HSPA12A: variants seen among roughly 807,000 people sequenced by gnomAD.
The protein encoded by HSPA12A is heat shock protein family A (Hsp70) member 12A, also known as heat shock 70 kDa protein 12A.
In HSPA12A, 28 loss-of-function variants were observed where a neutral mutation model predicts 69.2. The ratio of observed to expected loss-of-function variants is 0.40; its 90% CI spans 0.30 to 0.55. The LOEUF is 0.55. Ranked by LOEUF, HSPA12A falls within the 20% of genes least tolerant of loss-of-function variation. The probability of loss-of-function intolerance (pLI) is 0.38; values close to 1 mark genes in which losing one functional copy is unlikely to be tolerated. For missense variants in HSPA12A, 686 were observed against 900.7 expected, an observed-to-expected ratio of 0.76 and a Z score of 3.05; for synonymous variants, 345 against 370.5, an observed-to-expected ratio of 0.93 and a Z score of 0.79.
chr10:116,728,951 T>C (rs1851065130), intron 1 of HSPA12A, among the ~76,000 whole-genome samples: 1 of 152,080 alleles, frequency 6.6e-6, no homozygotes, highest in South Asian at 2.1e-4. Flanking sequence ...TGCCAGGCAA[T>C]AAGCCTCCCG....
At chr10:116,687,346 C>G (rs1329252956) in intron 6 of HSPA12A, among the ~76,000 whole-genome samples, 1 of 152,150 alleles carries the variant, frequency 6.6e-6, no homozygotes, top group African/African-American at 2.4e-5. Flanking sequence ...GGTCATGGGC[C>G]CAGGCAGTGT....
At chr10:116,811,081 G>A (rs913335511) in intron 2 of HSPA12A, among the ~76,000 whole-genome samples, 1 of 152,184 alleles carries the variant, frequency 6.6e-6, no homozygotes, top group Non-Finnish European at 1.5e-5. Flanking sequence ...GGTCAGGGAA[G>A]GCTTCCTGGA....
At chr10:116,677,883 C>A (rs539337791) in intron 10 of HSPA12A, among the ~76,000 whole-genome samples, 372 of 152,244 alleles carry the variant, frequency 2.4e-3, no homozygotes, top group Non-Finnish European at 2.8e-3. Flanking sequence ...TAAAATACAT[C>A]AAATATGCTT....
intron 10 of HSPA12A, among the ~76,000 whole-genome samples, chr10:116,679,204 A>G (rs1183458548): frequency 6.6e-6 from 1 of 152,236 alleles, no homozygotes; most frequent in Non-Finnish European, 1.5e-5. Context: ...CGCTGCTTTC[A>G]TAGTTCCTCT....
At chr10:116,778,819 T>C (rs1190208666) in intron 2 of HSPA12A, among the ~76,000 whole-genome samples, 4 of 151,984 alleles carry the variant, frequency 2.6e-5, no homozygotes, top group African/African-American at 9.7e-5. Context: ...CCTATGGTCC[T>C]AGCTACTCAG....
At chr10:116,683,110 G>A (rs1441166831) in intron 7 of HSPA12A, among the ~76,000 whole-genome samples, 2 of 151,834 alleles carry the variant, frequency 1.3e-5, no homozygotes, top group African/African-American at 2.4e-5. Flanking sequence ...CTCTCACTTA[G>A]CGCTCATATT....
chr10:116,698,494 T>A (rs1209770401), intron 5 of HSPA12A, 141 bp downstream of exon 5: 1 of 591,416 alleles, frequency 1.7e-6, no homozygotes, highest in African/African-American at 1.8e-5. Context: ...GTTCATCCTG[T>A]TGTGTTGACT....
intron 2 of HSPA12A, among the ~76,000 whole-genome samples, chr10:116,769,042 G>A (rs1421576707): frequency 6.6e-6 from 1 of 152,178 alleles, no homozygotes; most frequent in Non-Finnish European, 1.5e-5. Context: ...TTTCAAAGCA[G>A]GTGTGGAAAG....
chr10:116,681,668 G>T, intron 8 of HSPA12A, 123 bp downstream of exon 8: 1 of 752,772 alleles, frequency 1.3e-6, no homozygotes, highest in Non-Finnish European at 2.2e-6. Context: ...CCCTGCATGA[G>T]TGGTCTTTAG....
chr10:116,761,016 A>T (rs375047687), intron 2 of HSPA12A, among the ~76,000 whole-genome samples: 1 of 16,244 alleles, frequency 6.2e-5, no homozygotes, highest in Admixed American at 9.7e-4. Context: ...CATAGAGGTT[A>T]AAAAAAAAGA....
chr10:116,696,002 C>CAAAAAA lies in HSPA12A; in HGVS notation c.546+2627_546+2632dup, dbSNP rs71013609. On this transcript the variant is annotated intron_variant, in intron 5 of 11. Transcript: ENST00000369209. ...TGGGCAACAGAGAGAGACTCCATCT[C>CAAAAAA]AAAAAAAAAAAAAAAAAAAAAGGCT... 2.4e-4 allele frequency among the ~76,000 whole-genome samples: 8 copies of CAAAAAA among 32,722 alleles called. 1 individual carries two copies. The highest frequency in any genetic ancestry group is 1.9e-3 in the East Asian group (2 of 1,068). The allele number at this position is 32,722 out of a possible 152,430, so 21.5% of individuals were successfully genotyped here. A position where few individuals can be genotyped will look rare whatever the true frequency, so the allele number is the denominator to read the frequency against.
At chr10:116,770,945 C>G (rs782510632) in intron 2 of HSPA12A, among the ~76,000 whole-genome samples, 2 of 149,336 alleles carry the variant, frequency 1.3e-5, no homozygotes, top group African/African-American at 4.9e-5. Flanking sequence ...TTGGCTGCTG[C>G]GGGCTGTGTG....
intron 2 of HSPA12A, among the ~76,000 whole-genome samples, chr10:116,776,513 T>A (rs1159933054): frequency 6.6e-6 from 1 of 152,140 alleles, no homozygotes; most frequent in African/African-American, 2.4e-5. Flanking sequence ...TCAGAAAATT[T>A]TTTTTTTCTT....
Position 116,702,322 on chromosome 10 carries a change from C to T in HSPA12A, c.255-1193G>A, listed in dbSNP as rs149091185. Among the ~76,000 whole-genome samples the T allele has an allele frequency of 1.5e-3, 233 of 152,228 alleles. 1 individual carries two copies. Among genetic ancestry groups the T allele is most frequent in the African/African-American group, 5.5e-3 (228 of 41,552 alleles). On this transcript the variant is annotated intron_variant, in intron 3 of 11. Coordinates refer to ENST00000369209, the MANE Select transcript of HSPA12A (RefSeq NM_025015.3). ...CATGTGACCCCATGCACAGCCCGTG[C>T]GCCCTCAGGTGGGGACGCAGTGCAG...
rs1850206404 is a variant in HSPA12A at position 116,705,250 on chromosome 10, T to C, written c.155A>G (p.Gln52Arg). 6.2e-7 allele frequency: 1 copy of C among 1,614,066 alleles called. No individual in the cohort carries two copies. The highest frequency in any genetic ancestry group is 8.5e-7 in the Non-Finnish European group (1 of 1,179,984). Residue 52 changes from glutamine to arginine, a missense_variant, in exon 3 of 12, where the codon CAG becomes CGG. Gln to Arg is a conservative substitution (Grantham distance 43, BLOSUM62 1). Transcript: ENST00000369209. ...VNDTDSNVSEQQSFLVVVAVD... is the reference protein window; with the variant it reads ...VNDTDSNVSERQSFLVVVAVD... ...GGCCACCACCACGAGAAATGACTGC[T>C]GTTCTGAGACGTTGGAGTCAGTGTC...
chr10:116,741,706 C>T (rs1409351151), intron 1 of HSPA12A, among the ~76,000 whole-genome samples: 1 of 152,190 alleles, frequency 6.6e-6, no homozygotes, highest in East Asian at 1.9e-4. Flanking sequence ...CCTAATCACG[C>T]TCCCCAAAGA....
chr10:116,798,516 T>TA (rs1844883929), intron 2 of HSPA12A, among the ~76,000 whole-genome samples: 1 of 152,032 alleles, frequency 6.6e-6, no homozygotes, highest in Non-Finnish European at 1.5e-5. Flanking sequence ...GACAAAATCT[T>TA]ACACGGAAAA....
Position 116,671,652 on chromosome 10 carries a change from A to T in HSPA12A, c.*3129T>A, listed in dbSNP as rs1849082862. ...GCCATCATTTTGCAAAAACAGTTGTATGGTTCCTCCTCTTTCCCCTCCTGT... is the reference window on the plus strand; with the variant it reads ...GCCATCATTTTGCAAAAACAGTTGTTTGGTTCCTCCTCTTTCCCCTCCTGT... On this transcript the variant is annotated 3_prime_UTR_variant, in exon 12 of 12. Transcript: ENST00000369209. 1 of 152,642 alleles carries T rather than the reference A, an allele frequency of 6.6e-6. No homozygotes were observed. The highest frequency in any genetic ancestry group is 1.5e-5 in the Non-Finnish European group (1 of 68,042). The allele number at this position is 152,642 out of a possible 1,614,324, so 9.5% of individuals were successfully genotyped here. A position where few individuals can be genotyped will look rare whatever the true frequency, so the allele number is the denominator to read the frequency against.
chr10:116,783,354 C>T (rs782022997), intron 2 of HSPA12A, among the ~76,000 whole-genome samples: 24 of 152,204 alleles, frequency 1.6e-4, no homozygotes, highest in Non-Finnish European at 2.6e-4. Context: ...GCAAAGTGTG[C>T]AGCAGTATGG....
Sources: gnomAD v4.1 joint callset for allele counts (sites outside exome capture counted in the v4.1 genomes callset) on GRCh38, gnomAD v4.1.1 for gene constraint, MANE v1.5 for transcripts, NCBI Gene and HGNC (gene_info 2026-07-23, HGNC 2026-07-21) for gene names.